The following TEK variants were observed in gnomAD, a reference collection of about 807,000 sequenced individuals.
TEK encodes TEK receptor tyrosine kinase.
A neutral mutation model predicts 131.8 loss-of-function variants in TEK; 43 were observed. The ratio of observed to expected loss-of-function variants is 0.33; its 90% CI spans 0.26 to 0.42. The LOEUF is 0.42. Ranked by LOEUF, TEK falls within the 10% of genes least tolerant of loss-of-function variation. The probability of loss-of-function intolerance (pLI) is 1.00; values close to 1 mark genes in which losing one functional copy is unlikely to be tolerated. For missense variants in TEK, 1,162 were observed against 1,384.4 expected (o/e 0.84, Z 2.55); for synonymous variants, 580 against 491.6 (o/e 1.18, Z -2.38).
chr9:27,221,765 T>C (rs1826092643), intron 21 of TEK, among the ~76,000 whole-genome samples: 1 of 152,110 alleles, frequency 6.6e-6, no homozygotes, highest in Admixed American at 6.5e-5. Flanking sequence ...TGAAGGTAGA[T>C]AAATCCACGA....
chr9:27,116,632 A>G (rs1293875400), intron 1 of TEK, among the ~76,000 whole-genome samples: 2 of 152,170 alleles, frequency 1.3e-5, no homozygotes, highest in African/African-American at 4.8e-5. Flanking sequence ...TGAAGCTCAG[A>G]GGAAGGGGAT....
intron 2 of TEK, among the ~76,000 whole-genome samples, chr9:27,162,099 C>T (rs1329157278): frequency 6.6e-6 from 1 of 152,136 alleles, no homozygotes; most frequent in East Asian, 1.9e-4. Flanking sequence ...TGCTGACCAT[C>T]CAGTGGGGGA....
chr9:27,146,720 A>ATTTTTT (rs34727945), intron 1 of TEK, among the ~76,000 whole-genome samples: 9 of 113,690 alleles, frequency 7.9e-5, no homozygotes, highest in Non-Finnish European at 1.1e-4. Context: ...TAAACATTCT[A>ATTTTTT]TTTTTTTTTT....
At chr9:27,138,022 A>C (rs566023314) in intron 1 of TEK, among the ~76,000 whole-genome samples, 2 of 151,906 alleles carry the variant, frequency 1.3e-5, no homozygotes, top group East Asian at 3.9e-4. Context: ...AAACCTTCCC[A>C]GTGAGTGTTA....
At chr9:27,212,509 G>C (rs996029194) in intron 16 of TEK, among the ~76,000 whole-genome samples, 198 bp from the exon 17 acceptor site, 3 of 152,120 alleles carry the variant, frequency 2.0e-5, no homozygotes, top group African/African-American at 7.2e-5. Flanking sequence ...AAAACCAAGC[G>C]TTGCAGCCTG....
In TEK at chr9:27,203,635, T is replaced by C. The variant is rs1349846698; in HGVS notation, c.2209+516T>C. Among the ~76,000 whole-genome samples the C allele has an allele frequency of 2.0e-5, 3 of 152,210 alleles. No individual in the cohort carries two copies. The East Asian group carries it at 5.8e-4, about 29-fold the overall frequency. On this transcript the variant is annotated intron_variant, in intron 13 of 22. Coordinates refer to ENST00000380036, the MANE Select transcript of TEK (RefSeq NM_000459.5). ...TAGAGATCCTCTCTGGATGCCATAC[T>C]GTGCCCACCATTTGTGATTGATAAA...
chr9:27,168,433 C>T, intron 2 of TEK, 62 bp from the exon 3 acceptor site: 1 of 1,325,326 alleles, frequency 7.5e-7, no homozygotes, highest in Non-Finnish European at 1.1e-6. Context: ...TCTCAAAGCT[C>T]AATTGCTCCT....
At chr9:27,218,195 T>C (rs1825899787) in intron 19 of TEK, among the ~76,000 whole-genome samples, 3 of 150,510 alleles carry the variant, frequency 2.0e-5, no homozygotes, top group Admixed American at 1.3e-4. Context: ...AAAGGAAGGA[T>C]TGGCTTGAGA....
intron 1 of TEK, among the ~76,000 whole-genome samples, chr9:27,138,769 A>C (rs1289797896): frequency 1.3e-5 from 2 of 152,164 alleles, no homozygotes; most frequent in Non-Finnish European, 2.9e-5. Context: ...GATGGGTCCA[A>C]CTTTTCGTAT....
intron 6 of TEK, among the ~76,000 whole-genome samples, chr9:27,175,227 A>G (rs1255945768): frequency 6.8e-6 from 1 of 147,778 alleles, no homozygotes. Flanking sequence ...TATGAGTGAG[A>G]ACATACGGTG....
intron 6 of TEK, among the ~76,000 whole-genome samples, chr9:27,177,146 T>C (rs1325952107): frequency 6.6e-6 from 1 of 152,220 alleles, no homozygotes; most frequent in Non-Finnish European, 1.5e-5. Context: ...AATGCTGCAA[T>C]GGACATGAGA....
intron 21 of TEK, among the ~76,000 whole-genome samples, chr9:27,227,155 C>T (rs910073093): frequency 1.3e-5 from 2 of 152,156 alleles, no homozygotes. Flanking sequence ...TGATAGCCTT[C>T]CATGCACATA....
intron 1 of TEK, among the ~76,000 whole-genome samples, chr9:27,138,410 T>G (rs1587504252): frequency 6.6e-6 from 1 of 152,230 alleles, no homozygotes; most frequent in East Asian, 1.9e-4. Flanking sequence ...ATTGGTCCAT[T>G]TTACAGAGTG....
intron 19 of TEK, among the ~76,000 whole-genome samples, chr9:27,218,339 G>A (rs933311947): frequency 6.6e-6 from 1 of 152,110 alleles, no homozygotes; most frequent in African/African-American, 2.4e-5. Context: ...CTCACTGTAT[G>A]CAAGGTGCTT....
chr9:27,159,773 G>A (rs1194857740), intron 2 of TEK, among the ~76,000 whole-genome samples: 1 of 152,150 alleles, frequency 6.6e-6, no homozygotes, highest in Admixed American at 6.5e-5. Flanking sequence ...GGACAGGCAG[G>A]CAGACTTCTG....
At position 27,109,361 on chromosome 9, in the gene TEK, C is replaced by T; in HGVS notation, c.-230C>T. 1.6e-6 allele frequency: 1 copy of T among 617,980 alleles called. No individual in the cohort carries two copies. Among genetic ancestry groups the T allele is most frequent in the South Asian group, 2.0e-5 (1 of 50,310 alleles). 38.3% of individuals were successfully genotyped at this position (617,980 alleles called of 1,614,324 possible). ...CAAATGCCTTTAAGATACAGCCTTT[C>T]CCATCCTAATCTACAAAGGAAACAG... On this transcript the variant is annotated 5_prime_UTR_variant, in exon 1 of 23. Coordinates refer to ENST00000380036, the MANE Select transcript of TEK (RefSeq NM_000459.5).
intron 16 of TEK, among the ~76,000 whole-genome samples, chr9:27,211,737 C>T (rs1377287540): frequency 2.6e-5 from 4 of 151,938 alleles, no homozygotes; most frequent in Non-Finnish European, 2.9e-5. Flanking sequence ...CCCAGAGTGC[C>T]GGGATTACAA....
Position 27,215,566 on chromosome 9 carries a change from T to G in TEK, c.2991+1969T>G, listed in dbSNP as rs1032579884. ...GTGAGAACCCTGCATTAGGGTTTTTTTTTTTTTTTTTAAGTTACCCAGGGT... is the reference window on the plus strand; with the variant it reads ...GTGAGAACCCTGCATTAGGGTTTTTGTTTTTTTTTTTAAGTTACCCAGGGT... On this transcript the variant is annotated intron_variant, in intron 18 of 22. Coordinates refer to ENST00000380036, the MANE Select transcript of TEK (RefSeq NM_000459.5). Among the ~76,000 whole-genome samples, 15 of 152,108 alleles carry G rather than the reference T, an allele frequency of 9.9e-5. No homozygotes were observed. In the South Asian group the frequency reaches 2.1e-3, roughly 21 times the overall value.
rs968312865 is a variant in TEK at position 27,204,342 on chromosome 9, A to G, written c.2210-569A>G. Among the ~76,000 whole-genome samples, 23 of 152,202 alleles carry G rather than the reference A, an allele frequency of 1.5e-4. 1 individual carries two copies. The highest frequency in any genetic ancestry group is 1.8e-4 in the Non-Finnish European group (12 of 68,024). Reference sequence around the variant, plus strand: ...CCATAGTCTTTAATAGTTTATTTTGACCTGAGCCCTAAATTTAATTTTTCC... The same window carrying G: ...CCATAGTCTTTAATAGTTTATTTTGGCCTGAGCCCTAAATTTAATTTTTCC... On this transcript the variant is annotated intron_variant, in intron 13 of 22. Transcript: ENST00000380036.
Sources: gnomAD v4.1 joint callset for allele counts (sites outside exome capture counted in the v4.1 genomes callset) on GRCh38, gnomAD v4.1.1 for gene constraint, MANE v1.5 for transcripts, NCBI Gene and HGNC (gene_info 2026-07-23, HGNC 2026-07-21) for gene names.